Variants in STAT4 observed in about 807,000 individuals in gnomAD.
The protein encoded by STAT4 is signal transducer and activator of transcription 4.
Under a neutral mutation model 110.5 loss-of-function variants are expected in STAT4, and 42 were observed. That is an observed-to-expected ratio of 0.38 (90% CI 0.30 to 0.49). The LOEUF (loss-of-function observed/expected upper bound fraction) is 0.49. Ranked by LOEUF, STAT4 falls within the 20% of genes least tolerant of loss-of-function variation. The pLI, the probability that STAT4 is intolerant of heterozygous loss-of-function variation, is 0.95. For missense variants in STAT4, 632 were observed against 887.9 expected, an observed-to-expected ratio of 0.71 and a Z score of 3.66; for synonymous variants, 284 against 302.2, an observed-to-expected ratio of 0.94 and a Z score of 0.63.
chr2:191,150,936 T>C lies in STAT4; in HGVS notation c.-2+11A>G. On this transcript the variant is annotated intron_variant, in intron 1 of 23. Coordinates refer to ENST00000392320, the MANE Select transcript of STAT4 (RefSeq NM_003151.4). The surrounding 1 kb of genome is among the most constrained non-coding windows in gnomAD (Gnocchi z 6.4). ...CAAGAGGCAGCCAGAAGGTGTGGTC[T>C]GGCCACTTACCTAGCGCTCTCTCAG... The C allele has an allele frequency of 1.0e-6, 1 of 985,706 alleles. No individual in the cohort carries two copies. The allele number at this position is 985,706 out of a possible 1,614,324, so 61.1% of individuals were successfully genotyped here. A position where few individuals can be genotyped will look rare whatever the true frequency, so the allele number is the denominator to read the frequency against.
In STAT4 at chr2:191,116,455, C is replaced by T. The variant is rs138383660; in HGVS notation, c.273+30158G>A. ...GCTAATTCAAGTTAGAAAGAAATAC[C>T]CGAGTAGCCTAGAAAATAATCTTCT... On this transcript the variant is annotated intron_variant, in intron 3 of 23. Coordinates refer to ENST00000392320, the MANE Select transcript of STAT4 (RefSeq NM_003151.4). This position sits in a 1 kb window ranked among gnomAD's most constrained non-coding sequence, Gnocchi z 4.1. Among the ~76,000 whole-genome samples, 1,465 of 152,190 alleles carry T rather than the reference C, an allele frequency of 9.6e-3. 28 individuals carry two copies. The highest frequency in any genetic ancestry group is 0.033 in the African/African-American group (1,372 of 41,518).
chr2:191,101,549 T>G (rs1244382889), intron 3 of STAT4, among the ~76,000 whole-genome samples: 1 of 152,192 alleles, frequency 6.6e-6, no homozygotes, highest in Non-Finnish European at 1.5e-5. Context: ...ACTTATAATT[T>G]TTTTGCCATC....
upstream of STAT4, chr2:191,151,424 C>T: frequency 1.0e-6 from 1 of 985,592 alleles, no homozygotes; most frequent in Non-Finnish European, 1.2e-6. This position sits in a 1 kb window ranked among gnomAD's most constrained non-coding sequence, Gnocchi z 4.7. Flanking sequence ...GATGGGTAGC[C>T]AGGATCAAAA....
chr2:191,151,534 G>C (rs911943185), upstream of STAT4: 111 of 985,468 alleles, frequency 1.1e-4, no homozygotes, highest in Non-Finnish European at 1.3e-4. The surrounding 1 kb of genome is among the most constrained non-coding windows in gnomAD (Gnocchi z 4.7). Context: ...TCCTGGGTAG[G>C]CCACCAGTGC....
intron 3 of STAT4, among the ~76,000 whole-genome samples, chr2:191,096,297 C>G (rs1054503719): frequency 2.0e-5 from 3 of 152,162 alleles, no homozygotes; most frequent in Non-Finnish European, 2.9e-5. Context: ...GATACCAAAG[C>G]CTGGCAGAGA....
intron 6 of STAT4, chr2:191,067,954 T>C (rs1319939144): frequency 6.6e-6 from 1 of 152,158 alleles, no homozygotes; most frequent in African/African-American, 2.4e-5. Context: ...CTCCAGGAAC[T>C]CATTTCTGGT....
chr2:191,057,142 A>G (rs1455773895), intron 13 of STAT4, among the ~76,000 whole-genome samples: 1 of 152,178 alleles, frequency 6.6e-6, no homozygotes, highest in African/African-American at 2.4e-5. Flanking sequence ...CTTTGTATCC[A>G]TTAACCAACT....
At position 191,107,535 on chromosome 2, in the gene STAT4, C is replaced by G. The variant is rs929641692; in HGVS notation, c.274-31210G>C. 1.2e-4 allele frequency among the ~76,000 whole-genome samples: 19 copies of G among 152,142 alleles called. No homozygotes were observed. The highest frequency in any genetic ancestry group is 4.6e-4 in the African/African-American group (19 of 41,422). On this transcript the variant is annotated intron_variant, in intron 3 of 23. Transcript: ENST00000392320. This position sits in a 1 kb window ranked among gnomAD's most constrained non-coding sequence, Gnocchi z 4.2. ...GGAGGCTGGGTTTATGTAACTTGCC[C>G]AAAATCATGTTGCTAATAAATCTGA...
At chr2:191,096,674 G>T (rs1477224188) in intron 3 of STAT4, among the ~76,000 whole-genome samples, 1 of 152,074 alleles carries the variant, frequency 6.6e-6, no homozygotes, top group Non-Finnish European at 1.5e-5. Flanking sequence ...TACTAAACGG[G>T]CAAAAACTGG....
chr2:191,036,092 T>C, intron 17 of STAT4, 72 bp downstream of exon 17: 8 of 1,542,484 alleles, frequency 5.2e-6, no homozygotes, highest in African/African-American at 4.1e-5. Context: ...GTAGTAGTAA[T>C]AGCGTCCTGG....
intron 3 of STAT4, among the ~76,000 whole-genome samples, chr2:191,125,588 A>G (rs1230637734): frequency 6.6e-6 from 1 of 151,702 alleles, no homozygotes; most frequent in Non-Finnish European, 1.5e-5. Flanking sequence ...CCAGGGCTTA[A>G]GTTATCCTAC....
chr2:191,076,220 A>G lies in STAT4; in HGVS notation c.372+7T>C, dbSNP rs754783797. Reference sequence around the variant, plus strand: ...GATAACAAGATCACAAGGTCAGAAAATATTACCTGGACAGGCATGTTGGCT... The same window carrying G: ...GATAACAAGATCACAAGGTCAGAAAGTATTACCTGGACAGGCATGTTGGCT... On this transcript the variant is annotated splice_region_variant and intron_variant, in intron 4 of 23. Coordinates refer to ENST00000392320, the MANE Select transcript of STAT4 (RefSeq NM_003151.4). 5.6e-5 allele frequency: 90 copies of G among 1,611,068 alleles called. No individual in the cohort carries two copies. The highest frequency in any genetic ancestry group is 7.5e-5 in the Non-Finnish European group (88 of 1,177,798).
chr2:191,040,696 G>A (rs1029399293), intron 15 of STAT4, among the ~76,000 whole-genome samples: 1 of 151,970 alleles, frequency 6.6e-6, no homozygotes, highest in Non-Finnish European at 1.5e-5. Context: ...TGAGTAGCTG[G>A]GACTACAGGC....
chr2:191,066,281 C>T lies in STAT4; in HGVS notation c.630+149G>A, dbSNP rs3024846. On this transcript the variant is annotated intron_variant, in intron 7 of 23. Coordinates refer to ENST00000392320, the MANE Select transcript of STAT4 (RefSeq NM_003151.4). This position sits in a 1 kb window ranked among gnomAD's most constrained non-coding sequence, Gnocchi z 4.3. ...AACTCATGAAGAGAAGCATGGCAAA[C>T]AGCGTGGGACTGTTCCTAGAAACCT... is the stretch of plus-strand genomic sequence containing the variant. 5,315 of 665,424 alleles carry T rather than the reference C, an allele frequency of 8.0e-3. 74 individuals are homozygous for T. Among genetic ancestry groups the T allele is most frequent in the Middle Eastern group, 0.025 (60 of 2,412 alleles). The allele number at this position is 665,424 out of a possible 1,614,324, so 41.2% of individuals were successfully genotyped here. A position where few individuals can be genotyped will look rare whatever the true frequency, so the allele number is the denominator to read the frequency against.
At chr2:191,126,622 A>G (rs1046131557) in intron 3 of STAT4, among the ~76,000 whole-genome samples, 3 of 151,952 alleles carry the variant, frequency 2.0e-5, no homozygotes, top group African/African-American at 7.3e-5. Flanking sequence ...TTTCCTGGCC[A>G]CAGACTGCCC....
Position 191,090,999 on chromosome 2 carries a change from G to A in STAT4, c.274-14674C>T, listed in dbSNP as rs1242214957. ...CTTAACCCTTCTAGACAATCACTCT[G>A]AAAAGCAGCTGGAGAGCCCTTTGTA... is the stretch of plus-strand genomic sequence containing the variant. On this transcript the variant is annotated intron_variant, in intron 3 of 23. Transcript: ENST00000392320. The surrounding 1 kb of genome is among the most constrained non-coding windows in gnomAD (Gnocchi z 4.2). 6.6e-6 allele frequency among the ~76,000 whole-genome samples: 1 copy of A among 152,190 alleles called. No homozygotes were observed. Among genetic ancestry groups the A allele is most frequent in the African/African-American group, 2.4e-5 (1 of 41,444 alleles).
chr2:191,033,168 G>T lies in STAT4; in HGVS notation c.1853-19C>A, dbSNP rs1420629639. The T allele has an allele frequency of 2.5e-6, 4 of 1,610,742 alleles. No individual in the cohort carries two copies. Among genetic ancestry groups the T allele is most frequent in the East Asian group, 2.2e-5 (1 of 44,894 alleles). Reference sequence around the variant, plus strand: ...ACTTCCCCTTGAAAAACAGAAATTGGAGAAATATACAGGTTCCTGTACACA... The same window carrying T: ...ACTTCCCCTTGAAAAACAGAAATTGTAGAAATATACAGGTTCCTGTACACA... On this transcript the variant is annotated intron_variant, in intron 20 of 23. Transcript: ENST00000392320. This position sits in a 1 kb window ranked among gnomAD's most constrained non-coding sequence, Gnocchi z 6.9.
At position 191,069,708 on chromosome 2, in the gene STAT4, T is replaced by C. The variant is rs758709109; in HGVS notation, c.529A>G (p.Thr177Ala). Residue 177 changes from threonine to alanine, a missense_variant, in exon 6 of 24, where the codon ACA becomes GCA. Around this residue, in one of 4 missense-constraint regions of STAT4, gnomAD observed 488 missense variants for 632.8 expected, o/e 0.77. Transcript: ENST00000392320. ...AAAAACTTACCCATTGTCTGAATTG[T>C]TTTATACCTGTAGTCAAATTCGTCT... ...LQDEFDYRYK[T>A]IQTMDQSDKN... 6 of 1,609,754 alleles carry C rather than the reference T, an allele frequency of 3.7e-6. No homozygotes were observed. In the South Asian group the frequency reaches 4.4e-5, roughly 12 times the overall value.
intron 13 of STAT4, among the ~76,000 whole-genome samples, chr2:191,056,376 C>T (rs1696693287): frequency 6.6e-6 from 1 of 152,168 alleles, no homozygotes; most frequent in African/African-American, 2.4e-5. Context: ...AAGCAAGAAG[C>T]AACAGGATGA....
Sources: gnomAD v4.1 joint callset for allele counts (sites outside exome capture counted in the v4.1 genomes callset) on GRCh38, gnomAD v4.1.1 for gene constraint, gnomAD v4.1.1 regional missense constraint, Gnocchi (gnomAD v3.1) non-coding constraint, MANE v1.5 for transcripts, NCBI Gene and HGNC (gene_info 2026-07-23, HGNC 2026-07-21) for gene names.